The following OR51C1 variants were observed in gnomAD, a reference collection of about 807,000 sequenced individuals.
The protein encoded by OR51C1 is olfactory receptor family 51 subfamily C member 1.
chr11:4,692,234 A>G, the OR51C1 span: 366 of 427,438 alleles, frequency 8.6e-4, 1 homozygote, highest in African/African-American at 6.1e-3. Flanking sequence ...AGATCATTAT[A>G]ATACAAAGTA....
the OR51C1 span, chr11:4,691,757 CATTT>C: frequency 9.7e-5 from 33 of 340,910 alleles, no homozygotes; most frequent in Non-Finnish European, 1.7e-4. Context: ...AAGCTACATT[CATTT>C]GTGTATTGAT....
At chr11:4,693,442 C>T in the OR51C1 span, among the ~76,000 whole-genome samples, 4 of 152,176 alleles carry the variant, frequency 2.6e-5, no homozygotes, top group Admixed American at 1.3e-4. Context: ...GTTGAGCAGG[C>T]TGGGCGCGGT....
the OR51C1 span, chr11:4,691,201 G>C: frequency 4.4e-6 from 2 of 456,802 alleles, no homozygotes; most frequent in East Asian, 1.4e-4. Flanking sequence ...CAGTAGGAAA[G>C]TCTTATAAGA....
At chr11:4,695,149 T>A in the OR51C1 span, among the ~76,000 whole-genome samples, 15 of 152,304 alleles carry the variant, frequency 9.8e-5, no homozygotes, top group Admixed American at 4.6e-4. Context: ...TGTAATGAAC[T>A]TAAATTTTTG....
At chr11:4,693,504 G>A in the OR51C1 span, among the ~76,000 whole-genome samples, 7 of 152,128 alleles carry the variant, frequency 4.6e-5, no homozygotes, top group Non-Finnish European at 7.4e-5. Flanking sequence ...GGCGGATCAC[G>A]AGGTCAGGAG....
At chr11:4,696,303 A>G in the OR51C1 span, among the ~76,000 whole-genome samples, 1 of 152,132 alleles carries the variant, frequency 6.6e-6, no homozygotes, top group African/African-American at 2.4e-5. Flanking sequence ...TTCATTTATC[A>G]GCAAACGACA....
chr11:4,696,774 C>T, the OR51C1 span, among the ~76,000 whole-genome samples: 3 of 152,182 alleles, frequency 2.0e-5, no homozygotes, highest in Non-Finnish European at 2.9e-5. Flanking sequence ...TGATGCTCCT[C>T]TTTCATTGCA....
the OR51C1 span, chr11:4,690,448 G>C: frequency 6.1e-6 from 1 of 163,560 alleles, no homozygotes; most frequent in Non-Finnish European, 1.3e-5. Flanking sequence ...GATAATAACA[G>C]AAAGGGTGTT....
At chr11:4,691,747 A>T in the OR51C1 span, 1 of 342,604 alleles carries the variant, frequency 2.9e-6, no homozygotes, top group Non-Finnish European at 5.7e-6. Context: ...AAACAAAAAA[A>T]AGCTACATTC....
the OR51C1 span, among the ~76,000 whole-genome samples, chr11:4,692,728 G>A: frequency 1.3e-5 from 2 of 152,084 alleles, no homozygotes; most frequent in East Asian, 3.9e-4. Flanking sequence ...GAAAAGAAAG[G>A]GTGCTGGGTG....
chr11:4,693,455 C>G, the OR51C1 span, among the ~76,000 whole-genome samples: 1 of 152,206 alleles, frequency 6.6e-6, no homozygotes, highest in Non-Finnish European at 1.5e-5. Context: ...GGCGCGGTGG[C>G]TCACGCCTGT....
the OR51C1 span, among the ~76,000 whole-genome samples, chr11:4,695,548 A>T: frequency 3.9e-5 from 6 of 152,188 alleles, no homozygotes; most frequent in African/African-American, 1.4e-4. Context: ...TTTGGAGAAC[A>T]GTCTGCTTTT....
the OR51C1 span, chr11:4,691,701 GT>G: frequency 1.0e-4 from 37 of 362,642 alleles, 1 homozygote; most frequent in South Asian, 7.5e-4. Flanking sequence ...CAAAGTTGAC[GT>G]GATGAATTAA....
At chr11:4,691,134 G>A in the OR51C1 span, 1 of 456,666 alleles carries the variant, frequency 2.2e-6, no homozygotes, top group Non-Finnish European at 4.4e-6. Flanking sequence ...GTCTGTGCAT[G>A]AGAGCTTCAT....
the OR51C1 span, among the ~76,000 whole-genome samples, chr11:4,694,410 A>G: frequency 5.9e-5 from 9 of 151,924 alleles, no homozygotes; most frequent in East Asian, 1.7e-3. Flanking sequence ...TTCCTAGCCA[A>G]TAACTCCACT....
At chr11:4,692,673 CTCAA>C in the OR51C1 span, among the ~76,000 whole-genome samples, 1 of 151,952 alleles carries the variant, frequency 6.6e-6, no homozygotes, top group East Asian at 1.9e-4. Context: ...CTGCAGAGGG[CTCAA>C]TCAATGAGAG....
At chr11:4,693,204 C>T in the OR51C1 span, among the ~76,000 whole-genome samples, 1 of 152,242 alleles carries the variant, frequency 6.6e-6, no homozygotes, top group African/African-American at 2.4e-5. Context: ...AACAACATCA[C>T]ATTTTACCCC....
the OR51C1 span, among the ~76,000 whole-genome samples, chr11:4,692,463 ATCTC>A: frequency 6.6e-6 from 1 of 152,254 alleles, no homozygotes; most frequent in Non-Finnish European, 1.5e-5. Context: ...CCAGAACAGA[ATCTC>A]TCTATTTTGT....
At chr11:4,691,932 T>C in the OR51C1 span, among the ~76,000 whole-genome samples, 1 of 152,218 alleles carries the variant, frequency 6.6e-6, no homozygotes, top group African/African-American at 2.4e-5. Flanking sequence ...ATCTTTCTTC[T>C]CTAGGGCCCT....
Sources: allele counts gnomAD v4.1 joint callset (sites outside exome capture counted in the v4.1 genomes callset), GRCh38; gene constraint gnomAD v4.1.1; transcripts MANE v1.5; gene names NCBI Gene and HGNC (gene_info 2026-07-23, HGNC 2026-07-21).